TET2: variants seen among roughly 807,000 people sequenced by gnomAD.
TET2 encodes the protein tet methylcytosine dioxygenase 2.
In TET2, 299 loss-of-function variants were observed where a neutral mutation model predicts 142.9. That is an observed-to-expected ratio of 2.09 (90% CI 1.90 to 2.30). The LOEUF is 2.30. Ranked by LOEUF, TET2 falls within the 30% of genes most tolerant of loss-of-function variation. TET2 has a pLI of 0.00. For synonymous variants in TET2, 819 were observed against 849.0 expected (o/e 0.96, Z 0.61); for missense variants, 2,418 against 2,378.0 (o/e 1.02, Z -0.35).
At chr4:105,229,639 C>A (rs2110618938) in intron 2 of TET2, among the ~76,000 whole-genome samples, 1 of 150,234 alleles carries the variant, frequency 6.7e-6, no homozygotes, top group East Asian at 2.0e-4. Context: ...AATACACATG[C>A]TTGGAAGTTA....
At chr4:105,264,066 CTCT>C (rs1185739855) in intron 8 of TET2, among the ~76,000 whole-genome samples, 1 of 148,426 alleles carries the variant, frequency 6.7e-6, no homozygotes, top group Non-Finnish European at 1.5e-5. Flanking sequence ...GATTTAGCTA[CTCT>C]TCTTTTCCAC....
intron 1 of TET2, among the ~76,000 whole-genome samples, chr4:105,154,341 T>G (rs2189234): frequency 0.62 from 95,055 of 152,122 alleles, 29,740 homozygotes; most frequent in Middle Eastern, 0.68. Context: ...TTTGGTTTAT[T>G]TTATGTCAGA....
At chr4:105,201,500 A>G (rs77936891) in intron 2 of TET2, among the ~76,000 whole-genome samples, 6,250 of 152,234 alleles carry the variant, frequency 0.041, 439 homozygotes, top group African/African-American at 0.14. Flanking sequence ...AATAAATAAA[A>G]TTATCAGTTG....
chr4:105,218,544 A>G (rs1360177806), intron 2 of TET2, among the ~76,000 whole-genome samples: 1 of 152,108 alleles, frequency 6.6e-6, no homozygotes, highest in Admixed American at 6.6e-5. Context: ...GATATTTATC[A>G]TTGCCAGTTT....
intron 1 of TET2, among the ~76,000 whole-genome samples, chr4:105,161,368 T>C (rs1305134074): frequency 6.6e-6 from 1 of 152,134 alleles, no homozygotes; most frequent in East Asian, 1.9e-4. Flanking sequence ...GCGATGAGAG[T>C]AGGTTGTAGA....
At chr4:105,263,789 A>T (rs373899607) in intron 8 of TET2, among the ~76,000 whole-genome samples, 76 of 152,284 alleles carry the variant, frequency 5.0e-4, no homozygotes, top group Middle Eastern at 3.4e-3. Context: ...GCCATCAATC[A>T]TTTTAGGCAT....
At chr4:105,271,433 T>A (rs938267231) in intron 9 of TET2, among the ~76,000 whole-genome samples, 3 of 149,736 alleles carry the variant, frequency 2.0e-5, no homozygotes, top group African/African-American at 7.3e-5. Context: ...ATGAGAAGGA[T>A]GTTTAGAATC....
In TET2 at chr4:105,259,711, A is replaced by G; in HGVS notation, c.3896A>G (p.Lys1299Arg). The change falls in exon 7 of 11, where the codon AAG (lysine) becomes AGG (arginine). Residue 1299 changes from lysine (K) to arginine (R), a missense_variant. Transcript: ENST00000380013. ...TGGAGCATGTACTACAATGGATGTA[A>G]GTTTGCCAGAAGCAAGATCCCAAGG... is the stretch of plus-strand genomic sequence containing the variant. ...CSWSMYYNGC[K>R]FARSKIPRKF... is the part of the protein sequence containing the mutation. The G allele has an allele frequency of 6.4e-7, 1 of 1,551,134 alleles. No individual in the cohort carries two copies. Among genetic ancestry groups the G allele is most frequent in the Non-Finnish European group, 8.7e-7 (1 of 1,146,594 alleles).
intron 2 of TET2, among the ~76,000 whole-genome samples, chr4:105,193,348 A>G (rs913301001): frequency 3.9e-5 from 6 of 152,154 alleles, no homozygotes; most frequent in Non-Finnish European, 7.4e-5. Flanking sequence ...ATGTTGGCAA[A>G]TAGAGAGAAG....
At chr4:105,199,695 C>G (rs1463263622) in intron 2 of TET2, among the ~76,000 whole-genome samples, 1 of 152,174 alleles carries the variant, frequency 6.6e-6, no homozygotes, top group African/African-American at 2.4e-5. Context: ...CCTCCTCCCA[C>G]CCTCCACCCT....
At chr4:105,187,914 A>G (rs1208077738) in intron 1 of TET2, among the ~76,000 whole-genome samples, 1 of 152,214 alleles carries the variant, frequency 6.6e-6, no homozygotes, top group African/African-American at 2.4e-5. Context: ...GTGGAATGTA[A>G]AAAGGTGCAG....
intron 1 of TET2, among the ~76,000 whole-genome samples, chr4:105,176,128 G>A (rs1174379963): frequency 6.6e-6 from 1 of 152,068 alleles, no homozygotes; most frequent in Admixed American, 6.6e-5. Flanking sequence ...AATAAAATTA[G>A]GGATATAGTA....
intron 3 of TET2, chr4:105,240,673 T>C: frequency 9.3e-7 from 1 of 1,080,350 alleles, no homozygotes; most frequent in Non-Finnish European, 1.1e-6. Context: ...TGTAATCGTC[T>C]TCACTCTTCT....
At chr4:105,224,683 A>ACTCTCTCTCTCT (rs1728063529) in intron 2 of TET2, among the ~76,000 whole-genome samples, 4 of 35,416 alleles carry the variant, frequency 1.1e-4, no homozygotes, top group Non-Finnish European at 1.9e-4. Flanking sequence ...CATATCAGCC[A>ACTCTCTCTCTCT]GTCTCTCTCT....
intron 3 of TET2, chr4:105,239,832 C>G (rs1015211347): frequency 8.7e-6 from 2 of 230,640 alleles, no homozygotes; most frequent in African/African-American, 4.5e-5. Context: ...CTCGTCATAT[C>G]TAGCTTTTGA....
At chr4:105,209,079 ATATATATATATATATATATG>A (rs1727003881) in intron 2 of TET2, among the ~76,000 whole-genome samples, 1 of 103,648 alleles carries the variant, frequency 9.6e-6, no homozygotes, top group Admixed American at 8.6e-5. Flanking sequence ...ATATATATAT[ATATATATATATATATATATG>A]TTTGAGCGAG....
intron 1 of TET2, among the ~76,000 whole-genome samples, chr4:105,159,907 G>T (rs1214388145): frequency 2.6e-5 from 4 of 152,162 alleles, no homozygotes; most frequent in Non-Finnish European, 4.4e-5. Context: ...GGGAGACTGT[G>T]GCAGGAGAAT....
At chr4:105,159,106 T>G (rs974189202) in intron 1 of TET2, among the ~76,000 whole-genome samples, 8 of 152,112 alleles carry the variant, frequency 5.3e-5, no homozygotes, top group Admixed American at 6.5e-5. Flanking sequence ...TAATTCATTG[T>G]CCGGGAGCCC....
intron 2 of TET2, among the ~76,000 whole-genome samples, chr4:105,206,947 G>A (rs185804450): frequency 7.1e-4 from 108 of 152,208 alleles, no homozygotes; most frequent in Non-Finnish European, 5.3e-4. Flanking sequence ...AGCCAGTCTC[G>A]CAAGAACAAA....
Sources: allele counts gnomAD v4.1 joint callset (sites outside exome capture counted in the v4.1 genomes callset), GRCh38; gene constraint gnomAD v4.1.1; transcripts MANE v1.5; gene names NCBI Gene and HGNC (gene_info 2026-07-23, HGNC 2026-07-21).